EHF: variants seen among roughly 807,000 people sequenced by gnomAD.
The protein encoded by EHF is ESE3 transcription factor.
EHF carries 14 observed loss-of-function variants against 45.1 expected under a neutral mutation model. The observed-to-expected ratio is 0.31, with a 90% confidence interval of 0.21 to 0.49. The LOEUF is 0.49. EHF is among the 20% of genes least tolerant of loss of function. The pLI is 0.99. For synonymous variants in EHF, 136 were observed against 131.8 expected (o/e 1.03, Z -0.22); for missense variants, 282 against 371.4 (o/e 0.76, Z 1.98).
At chr11:34,653,022 G>A (rs543589134) in intron 6 of EHF, among the ~76,000 whole-genome samples, 6 of 152,290 alleles carry the variant, frequency 3.9e-5, no homozygotes, top group African/African-American at 9.6e-5. Context: ...TGAGCCAACC[G>A]GGGTAAAATT....
intron 1 of EHF, among the ~76,000 whole-genome samples, chr11:34,639,345 C>T (rs1853757786): frequency 1.3e-5 from 2 of 152,122 alleles, no homozygotes; most frequent in African/African-American, 4.8e-5. Flanking sequence ...TTTTATACCC[C>T]AGAAAGCAAT....
At chr11:34,633,178 G>T (rs146602422) in intron 1 of EHF, among the ~76,000 whole-genome samples, 114 of 152,272 alleles carry the variant, frequency 7.5e-4, no homozygotes, top group African/African-American at 2.6e-3. Flanking sequence ...TCATACTTTT[G>T]AGTATCCAAT....
rs1458638065 is a variant in EHF, at chr11:34,647,039, G to A, written c.343+355G>A. On this transcript the variant is annotated intron_variant, in intron 3 of 8. Coordinates refer to ENST00000257831, the MANE Select transcript of EHF (RefSeq NM_012153.6). ...ACTTGCTTGTTAAAAAGATCATCAT[G>A]GTTACAAAAAAAAAAACAAAAAACA... 5.9e-5 allele frequency: 16 copies of A among 271,610 alleles called. 1 individual carries two copies. The Admixed American group carries it at 6.4e-4, about 11-fold the overall frequency. The allele number at this position is 271,610 out of a possible 1,614,324, so 16.8% of individuals were successfully genotyped here.
chr11:34,655,381 A>G (rs539826151), intron 6 of EHF, among the ~76,000 whole-genome samples: 1 of 152,346 alleles, frequency 6.6e-6, no homozygotes, highest in Non-Finnish European at 1.5e-5. Context: ...TATCTTTTCT[A>G]CTAACAAGAG....
chr11:34,640,994 G>C (rs1030077989), intron 1 of EHF, among the ~76,000 whole-genome samples: 1 of 152,194 alleles, frequency 6.6e-6, no homozygotes, highest in African/African-American at 2.4e-5. Flanking sequence ...GTTCAGAGAG[G>C]TTAGGTAACT....
chr11:34,622,622 T>A (rs1047040819), intron 1 of EHF, among the ~76,000 whole-genome samples: 1 of 152,182 alleles, frequency 6.6e-6, no homozygotes, highest in African/African-American at 2.4e-5. Context: ...TAGCTGCATT[T>A]GAAGTTTGCA....
chr11:34,653,337 G>A (rs191824865), intron 6 of EHF, among the ~76,000 whole-genome samples: 32 of 152,308 alleles, frequency 2.1e-4, no homozygotes, highest in Admixed American at 1.0e-3. Flanking sequence ...TGCCCTGACA[G>A]CTGGGCCATC....
At chr11:34,637,239 C>G (rs908015039) in intron 1 of EHF, among the ~76,000 whole-genome samples, 1 of 152,066 alleles carries the variant, frequency 6.6e-6, no homozygotes, top group Non-Finnish European at 1.5e-5. Context: ...GCTCTGTTCC[C>G]CCTGCTCCCC....
intron 1 of EHF, among the ~76,000 whole-genome samples, chr11:34,623,112 T>C (rs1306700471): frequency 1.3e-5 from 2 of 152,100 alleles, no homozygotes; most frequent in Non-Finnish European, 2.9e-5. Flanking sequence ...TTTTTTGAGA[T>C]GAAGTCTCCG....
At chr11:34,627,396 A>G (rs1053695427) in intron 1 of EHF, among the ~76,000 whole-genome samples, 1 of 152,076 alleles carries the variant, frequency 6.6e-6, no homozygotes, top group Non-Finnish European at 1.5e-5. Flanking sequence ...TGCAGAAAAT[A>G]CTGATTCTCC....
At position 34,657,075 on chromosome 11, in the gene EHF, A is replaced by C. The variant is rs1395208177; in HGVS notation, c.607+105A>C. On this transcript the variant is annotated intron_variant, in intron 7 of 8. Coordinates refer to ENST00000257831, the MANE Select transcript of EHF (RefSeq NM_012153.6). ...AATATCGCCTCTGTCTGCTGCCTTC[A>C]TGTCTTCATCCCAAACAGGGTGGAG... 4 of 1,340,196 alleles carry C rather than the reference A, an allele frequency of 3.0e-6. No individual in the cohort carries two copies. The African/African-American group carries it at 4.4e-5, about 15-fold the overall frequency. 83.0% of individuals were successfully genotyped at this position (1,340,196 alleles called of 1,614,324 possible). A position where few individuals can be genotyped will look rare whatever the true frequency, so the allele number is the denominator to read the frequency against.
At position 34,661,852 on chromosome 11, in the gene EHF, T is replaced by G. The variant is rs1480380493; in HGVS notation, c.*2921T>G. Among the ~76,000 whole-genome samples the G allele has an allele frequency of 6.6e-6, 1 of 152,114 alleles. No individual in the cohort carries two copies. Among genetic ancestry groups the G allele is most frequent in the African/African-American group, 2.4e-5 (1 of 41,448 alleles). On this transcript the variant is annotated 3_prime_UTR_variant, in exon 9 of 9. Coordinates refer to ENST00000257831, the MANE Select transcript of EHF (RefSeq NM_012153.6). ...CCGTATGCCTGAGTTGAAAGGGCTC[T>G]CTCTTATTAGGTTTTCATGGGAACA...
intron 1 of EHF, among the ~76,000 whole-genome samples, chr11:34,623,949 A>G (rs1852158570): frequency 6.6e-6 from 1 of 152,132 alleles, no homozygotes; most frequent in Non-Finnish European, 1.5e-5. Flanking sequence ...CCCTTCCTCC[A>G]TATGGAGTCA....
chr11:34,650,167 G>C (rs1357375361), intron 4 of EHF, among the ~76,000 whole-genome samples: 1 of 152,178 alleles, frequency 6.6e-6, no homozygotes, highest in African/African-American at 2.4e-5. Context: ...GAAGGAGCCA[G>C]GGTAATACTG....
At chr11:34,651,488 C>CCCCA in intron 4 of EHF, 54 bp from the exon 5 acceptor site, 1 of 1,496,276 alleles carries the variant, frequency 6.7e-7, no homozygotes, top group Non-Finnish European at 9.2e-7. Flanking sequence ...AACGCAGCCT[C>CCCCA]TTCTCCCTGG....
At chr11:34,621,486 C>A (rs1303296362) in intron 1 of EHF, among the ~76,000 whole-genome samples, 1 of 151,902 alleles carries the variant, frequency 6.6e-6, no homozygotes, top group Non-Finnish European at 1.5e-5. Flanking sequence ...AATTTAAAAG[C>A]CCCCTCGTTT....
At chr11:34,654,519 C>T (rs998331287) in intron 6 of EHF, among the ~76,000 whole-genome samples, 6 of 152,116 alleles carry the variant, frequency 3.9e-5, no homozygotes, top group African/African-American at 7.2e-5. Context: ...CTGCTTATTC[C>T]CCTTTATGAT....
At position 34,659,720 on chromosome 11, in the gene EHF, TA is replaced by T. The variant is rs1855967373; in HGVS notation, c.*794del. The T allele has an allele frequency of 6.6e-6, 1 of 152,124 alleles. No homozygotes were observed. The highest frequency in any genetic ancestry group is 2.1e-4 in the South Asian group (1 of 4,822). 9.4% of individuals were successfully genotyped at this position (152,124 alleles called of 1,614,324 possible). On this transcript the variant is annotated 3_prime_UTR_variant, in exon 9 of 9. Transcript: ENST00000257831. ...TTGGTTCTTTTTTGCTCCAAGTGCT[TA>T]AAAATAAGTTGGAAAAAGGAGACGG...
At chr11:34,653,419 C>T (rs1855386790) in intron 6 of EHF, among the ~76,000 whole-genome samples, 1 of 152,202 alleles carries the variant, frequency 6.6e-6, no homozygotes, top group Non-Finnish European at 1.5e-5. Flanking sequence ...CCAGTTTCTG[C>T]TTTTGCATTT....
Sources: gnomAD v4.1 joint callset for allele counts (sites outside exome capture counted in the v4.1 genomes callset) on GRCh38, gnomAD v4.1.1 for gene constraint, MANE v1.5 for transcripts, NCBI Gene and HGNC (gene_info 2026-07-23, HGNC 2026-07-21) for gene names.